The following ACSF3 variants were observed in gnomAD, a reference collection of about 807,000 sequenced individuals.
ACSF3 encodes the protein malonate--CoA ligase ACSF3, mitochondrial.
ACSF3 carries 78 observed loss-of-function variants against 53.2 expected under a neutral mutation model. That is an observed-to-expected ratio of 1.47 (90% CI 1.22 to 1.77). The LOEUF is 1.77. Among genes scored for constraint, ACSF3 ranks in the 40% most tolerant of loss-of-function variants. The pLI, the probability that ACSF3 is intolerant of heterozygous loss-of-function variation, is 0.00. For synonymous variants in ACSF3, 414 were observed against 333.1 expected (o/e 1.24, Z -2.65); for missense variants, 937 against 771.1 (o/e 1.22, Z -2.55).
chr16:89,145,901 G>T, intron 9 of ACSF3, 37 bp from the exon 10 acceptor site: 1 of 1,558,562 alleles, frequency 6.4e-7, no homozygotes, highest in Non-Finnish European at 8.9e-7. Flanking sequence ...GGTCACTGAG[G>T]CATCCCCATG....
intron 10 of ACSF3, among the ~76,000 whole-genome samples, chr16:89,146,418 C>T (rs1029116870): frequency 6.6e-6 from 1 of 152,138 alleles, no homozygotes; most frequent in South Asian, 2.1e-4. Flanking sequence ...CACCAGCTGG[C>T]CGCACGCGCT....
At chr16:89,135,027 C>T (rs994451729) in intron 8 of ACSF3, among the ~76,000 whole-genome samples, 1 of 150,348 alleles carries the variant, frequency 6.7e-6, no homozygotes, top group Non-Finnish European at 1.5e-5. Flanking sequence ...GCACGTTGCT[C>T]CTGACCCCTG....
rs1012959352 is a variant in ACSF3, at chr16:89,093,919, C to G, written c.-271C>G. ...GGACCCGGCCGGAACCCGGCCCGAC[C>G]CCGGCGCGCGCGCGGCGGAGGACGA... On this transcript the variant is annotated 5_prime_UTR_variant, in exon 1 of 11. Transcript: ENST00000614302. 11 of 328,942 alleles carry G rather than the reference C, an allele frequency of 3.3e-5. No individual in the cohort carries two copies. The highest frequency in any genetic ancestry group is 2.0e-4 in the African/African-American group (9 of 44,824). 20.4% of individuals were successfully genotyped at this position (328,942 alleles called of 1,614,324 possible). A position where few individuals can be genotyped will look rare whatever the true frequency, so the allele number is the denominator to read the frequency against.
chr16:89,138,788 A>G (rs981807725), intron 8 of ACSF3, among the ~76,000 whole-genome samples: 17 of 152,356 alleles, frequency 1.1e-4, no homozygotes, highest in Middle Eastern at 3.4e-3. Flanking sequence ...CGAGGCGGCC[A>G]TGGTCTTCAG....
intron 8 of ACSF3, chr16:89,136,884 G>GT: frequency 8.0e-7 from 1 of 1,250,396 alleles, no homozygotes; most frequent in Non-Finnish European, 1.0e-6. Context: ...TCTGTCTCAG[G>GT]TAACTCCTCT....
chr16:89,136,791 T>TCC (rs1254993823), intron 8 of ACSF3: 3 of 1,287,242 alleles, frequency 2.3e-6, no homozygotes, highest in South Asian at 2.5e-5. Flanking sequence ...GCCAGGGGTC[T>TCC]CCGCTGCTGC....
chr16:89,104,906 T>C (rs1975782329), intron 4 of ACSF3, among the ~76,000 whole-genome samples: 1 of 152,268 alleles, frequency 6.6e-6, no homozygotes, highest in Non-Finnish European at 1.5e-5. Context: ...CATTGGGCTT[T>C]AGAGAAAGAC....
At chr16:89,125,690 A>G (rs1907869444) in intron 7 of ACSF3, among the ~76,000 whole-genome samples, 1 of 125,040 alleles carries the variant, frequency 8.0e-6, no homozygotes, top group African/African-American at 2.9e-5. Flanking sequence ...GACTGCCTCA[A>G]AAAAAAAAAG....
chr16:89,101,239 G>T lies in ACSF3; in HGVS notation c.558G>T (p.Pro186=). 6.2e-7 allele frequency: 1 copy of T among 1,600,448 alleles called. No homozygotes were observed. The highest frequency in any genetic ancestry group is 8.5e-7 in the Non-Finnish European group (1 of 1,173,886). The change falls in exon 3 of 11, where the codon CCG becomes CCT. Residue 186 remains proline (P), a synonymous_variant. Coordinates refer to ENST00000614302, the MANE Select transcript of ACSF3 (RefSeq NM_001243279.3). ...CAGTAGAGGAACCGGCAGAGGTCCC[G>T]GTCCCAGAGCAGGGATGGAGGAACA... The part of the protein sequence containing the change: ...TGAVEEPAEV[P]VPEQGWRNKG...
chr16:89,110,529 C>G (rs1465638892), intron 4 of ACSF3, among the ~76,000 whole-genome samples: 1 of 152,250 alleles, frequency 6.6e-6, no homozygotes, highest in African/African-American at 2.4e-5. Flanking sequence ...TCTAATCTTA[C>G]ACAGCATCAC....
At chr16:89,112,271 C>T (rs367994639) in intron 5 of ACSF3, 25 bp downstream of exon 5, 113 of 1,612,632 alleles carry the variant, frequency 7.0e-5, no homozygotes, top group Non-Finnish European at 9.2e-5. Context: ...CCCACTTTCT[C>T]GTTCAGAAAG....
intron 6 of ACSF3, among the ~76,000 whole-genome samples, chr16:89,117,840 A>G (rs996597004): frequency 2.6e-5 from 4 of 152,206 alleles, no homozygotes; most frequent in African/African-American, 4.8e-5. Flanking sequence ...CTGAAGCTTC[A>G]GGGTTATTGG....
chr16:89,101,028 G>A lies in ACSF3; in HGVS notation c.347G>A (p.Trp116Ter). The A allele has an allele frequency of 6.2e-7, 1 of 1,613,922 alleles. No homozygotes were observed. The change falls in exon 3 of 11, where the codon TGG (tryptophan) becomes TAG (stop). Residue 116 changes from tryptophan (W) to a stop codon, truncating the protein, a stop_gained. Transcript: ENST00000614302. LOFTEE classifies it high-confidence loss of function. The part of the protein sequence containing the change: ...ASYVVAQWAS[W>*]MSGGVAVPLY... The stretch of plus-strand genomic sequence containing the variant: ...TACGTCGTGGCCCAGTGGGCGTCAT[G>A]GATGAGTGGCGGTGTGGCAGTCCCC...
chr16:89,108,549 C>T (rs577185840), intron 4 of ACSF3, among the ~76,000 whole-genome samples: 5 of 152,286 alleles, frequency 3.3e-5, no homozygotes, highest in Admixed American at 6.5e-5. Context: ...TCCATTTCCC[C>T]CCATTCCCAG....
At chr16:89,145,518 G>T (rs1004288820) in intron 9 of ACSF3, 117 bp downstream of exon 9, 1 of 1,284,034 alleles carries the variant, frequency 7.8e-7, no homozygotes, top group South Asian at 1.4e-5. Flanking sequence ...AGGGGTCCCT[G>T]TGATGCTCAC....
chr16:89,099,206 G>A (rs906739112), intron 2 of ACSF3, among the ~76,000 whole-genome samples: 1 of 152,268 alleles, frequency 6.6e-6, no homozygotes, highest in Non-Finnish European at 1.5e-5. Context: ...GCGGTGTCCC[G>A]TGGGCAGTGT....
Position 89,155,443 on chromosome 16 carries a change from T to A in ACSF3, c.*1236T>A, listed in dbSNP as rs1914616854. 1 of 454,042 alleles carries A rather than the reference T, an allele frequency of 2.2e-6. No individual in the cohort carries two copies. Among genetic ancestry groups the A allele is most frequent in the South Asian group, 1.6e-5 (1 of 64,482 alleles). 28.1% of individuals were successfully genotyped at this position (454,042 alleles called of 1,614,324 possible). A position where few individuals can be genotyped will look rare whatever the true frequency, so the allele number is the denominator to read the frequency against. ...CCTGGGGCCCCTGCTCACTTGAGCATGTCGCCCACCAAGCTTGTCTGAGGC... is the reference window on the plus strand; with the variant it reads ...CCTGGGGCCCCTGCTCACTTGAGCAAGTCGCCCACCAAGCTTGTCTGAGGC... On this transcript the variant is annotated 3_prime_UTR_variant, in exon 11 of 11. Transcript: ENST00000614302.
In ACSF3 at chr16:89,154,535, G is replaced by A. The variant is rs1311811539; in HGVS notation, c.*328G>A. On this transcript the variant is annotated 3_prime_UTR_variant, in exon 11 of 11. Coordinates refer to ENST00000614302, the MANE Select transcript of ACSF3 (RefSeq NM_001243279.3). The stretch of plus-strand genomic sequence containing the variant: ...TGCCCTGCAGTTGCCAGGCTCTCCA[G>A]GGCAGGTCCCAGAGGTTTCCCACAA... 2 of 517,850 alleles carry A rather than the reference G, an allele frequency of 3.9e-6. No homozygotes were observed. Among genetic ancestry groups the A allele is most frequent in the Non-Finnish European group, 7.4e-6 (2 of 270,546 alleles). 32.1% of individuals were successfully genotyped at this position (517,850 alleles called of 1,614,324 possible). A position where few individuals can be genotyped will look rare whatever the true frequency, so the allele number is the denominator to read the frequency against.
rs757338614 is a variant in ACSF3 at position 89,154,108 on chromosome 16, C to T, written c.1632C>T (p.Tyr544=). The T allele has an allele frequency of 1.4e-5, 22 of 1,612,906 alleles. No individual in the cohort carries two copies. The highest frequency in any genetic ancestry group is 4.5e-5 in the East Asian group (2 of 44,868). Reference sequence around the variant, plus strand: ...TCTGCAGAAATGTCCTGGCCCCGTACGCGGTGCCCTCGGAGCTGGTGCTGG... The same window carrying T: ...TCTGCAGAAATGTCCTGGCCCCGTATGCGGTGCCCTCGGAGCTGGTGCTGG... ...KEWARNVLAP[Y]AVPSELVLVE... is the part of the protein sequence containing the mutation. The change falls in exon 11 of 11, where the codon TAC becomes TAT. Residue 544 remains tyrosine (Y), a synonymous_variant. Transcript: ENST00000614302.
Sources: gnomAD v4.1 joint callset for allele counts (sites outside exome capture counted in the v4.1 genomes callset) on GRCh38, gnomAD v4.1.1 for gene constraint, MANE v1.5 for transcripts, NCBI Gene and HGNC (gene_info 2026-07-23, HGNC 2026-07-21) for gene names.